The following TMEM236 variants were observed in gnomAD, a reference collection of about 807,000 sequenced individuals.
TMEM236 encodes transmembrane protein 236, also known as family with sequence similarity 23, member A.
A neutral mutation model predicts 14.7 loss-of-function variants in TMEM236; 11 were observed. That is an observed-to-expected ratio of 0.75 (90% CI 0.47 to 1.24). The LOEUF (loss-of-function observed/expected upper bound fraction) is 1.24. Among genes scored for constraint, TMEM236 ranks in the 50% most tolerant of loss-of-function variants. The pLI, the probability that TMEM236 is intolerant of heterozygous loss-of-function variation, is 0.00. For synonymous variants in TMEM236, 182 were observed against 168.6 expected (o/e 1.08, Z -0.62); for missense variants, 464 against 427.3 (o/e 1.09, Z -0.76).
intron 1 of TMEM236, among the ~76,000 whole-genome samples, chr10:17,759,641 C>T (rs1837327686): frequency 6.6e-6 from 1 of 152,004 alleles, no homozygotes; most frequent in African/African-American, 2.4e-5. Flanking sequence ...AACACATTGT[C>T]TGTATTATTT....
chr10:17,790,073 C>CA (rs1554835980), intron 3 of TMEM236, among the ~76,000 whole-genome samples: 4 of 151,552 alleles, frequency 2.6e-5, no homozygotes, highest in Non-Finnish European at 1.5e-5. Context: ...CAAAACAAAA[C>CA]AAAAAAATGA....
chr10:17,784,400 T>A (rs1837801100), intron 3 of TMEM236, among the ~76,000 whole-genome samples: 1 of 152,174 alleles, frequency 6.6e-6, no homozygotes, highest in Non-Finnish European at 1.5e-5. Context: ...TTTAAAAATA[T>A]CAGTGCCAAG....
Position 17,796,431 on chromosome 10 carries a change from C to T in TMEM236, c.983C>T (p.Thr328Ile). 6.2e-7 allele frequency: 1 copy of T among 1,613,776 alleles called. No homozygotes were observed. Among genetic ancestry groups the T allele is most frequent in the Non-Finnish European group, 8.5e-7 (1 of 1,179,826 alleles). Residue 328 changes from threonine (T) to isoleucine (I), a missense_variant, in exon 4 of 4, where the codon ACT (threonine) becomes ATT (isoleucine). Thr to Ile is a moderately conservative substitution (Grantham distance 89). Coordinates refer to ENST00000377495, the MANE Select transcript of TMEM236 (RefSeq NM_001098844.3). ...VLGLCKNILV[T>I]LSYIYFNYLT... ...GGCCTGTGTAAAAATATCCTCGTGA[C>T]TCTCTCTTACATTTACTTCAATTAC... is the stretch of plus-strand genomic sequence containing the variant.
chr10:17,795,863 T>G (rs1024277032), intron 3 of TMEM236, 58 bp from the exon 4 acceptor site: 4 of 1,525,292 alleles, frequency 2.6e-6, no homozygotes, highest in Admixed American at 3.4e-5. Flanking sequence ...TGAATAACAT[T>G]TGAGCTAAAA....
intron 3 of TMEM236, among the ~76,000 whole-genome samples, chr10:17,780,954 T>C (rs1398117678): frequency 1.3e-5 from 2 of 152,154 alleles, no homozygotes; most frequent in African/African-American, 4.8e-5. Flanking sequence ...GATGTTTACA[T>C]AGCACCCAGA....
intron 3 of TMEM236, among the ~76,000 whole-genome samples, chr10:17,790,741 C>A (rs1837912411): frequency 1.3e-5 from 2 of 152,110 alleles, no homozygotes; most frequent in Non-Finnish European, 1.5e-5. Flanking sequence ...CAGTGTTATG[C>A]CTAAATCATT....
intron 3 of TMEM236, among the ~76,000 whole-genome samples, chr10:17,784,469 G>A (rs987747209): frequency 2.0e-5 from 3 of 152,122 alleles, no homozygotes; most frequent in Non-Finnish European, 4.4e-5. Flanking sequence ...GGCATATTTG[G>A]ATTTTAAAAA....
At chr10:17,775,966 G>A (rs1837652487) in intron 2 of TMEM236, 63 bp from the exon 3 acceptor site, 34 of 1,592,914 alleles carry the variant, frequency 2.1e-5, no homozygotes, top group Non-Finnish European at 2.8e-5. Flanking sequence ...TCAGACTATT[G>A]AAAGCATTTT....
At chr10:17,773,441 G>A (rs1236053067) in intron 2 of TMEM236, among the ~76,000 whole-genome samples, 3 of 152,044 alleles carry the variant, frequency 2.0e-5, no homozygotes, top group Non-Finnish European at 2.9e-5. Context: ...AGGTTCAGGC[G>A]ATTCTCCTGC....
intron 3 of TMEM236, among the ~76,000 whole-genome samples, chr10:17,792,017 C>T (rs1441651794): frequency 6.6e-6 from 1 of 152,172 alleles, no homozygotes; most frequent in Non-Finnish European, 1.5e-5. Flanking sequence ...GCATTTTTAG[C>T]ATTAGCTTTC....
At position 17,799,937 on chromosome 10, in the gene TMEM236, G is replaced by A. The variant is rs1286623260; in HGVS notation, c.*3433G>A. 6.6e-6 allele frequency: 1 copy of A among 152,558 alleles called. No homozygotes were observed. Among genetic ancestry groups the A allele is most frequent in the Admixed American group, 6.5e-5 (1 of 15,268 alleles). 9.5% of individuals were successfully genotyped at this position (152,558 alleles called of 1,614,324 possible). On this transcript the variant is annotated 3_prime_UTR_variant, in exon 4 of 4. Transcript: ENST00000377495. ...TTTCATTTAATATTTTACTTAGAGT[G>A]TATACATGTTTATAGACTGCAAGTC... is the stretch of plus-strand genomic sequence containing the variant.
chr10:17,775,577 C>T (rs901001504), intron 2 of TMEM236, among the ~76,000 whole-genome samples: 6 of 152,196 alleles, frequency 3.9e-5, no homozygotes, highest in Non-Finnish European at 7.3e-5. Flanking sequence ...CCTGGCCTTG[C>T]CGTAGCTTTT....
In TMEM236 at chr10:17,764,351, T is replaced by C. The variant is rs1274911193; in HGVS notation, c.258-6958T>C. ...TTATTATGATGCACACAGAGATCTA[T>C]CGGCAGTACCCTAACTCAGTCTTTC... On this transcript the variant is annotated intron_variant, in intron 1 of 3. Coordinates refer to ENST00000377495, the MANE Select transcript of TMEM236 (RefSeq NM_001098844.3). 2.0e-5 allele frequency among the ~76,000 whole-genome samples: 3 copies of C among 152,176 alleles called. No individual in the cohort carries two copies. The East Asian group carries it at 5.8e-4, about 29-fold the overall frequency.
In TMEM236 at chr10:17,770,678, C is replaced by T. The variant is rs540973102; in HGVS notation, c.258-631C>T. 1.9e-3 allele frequency among the ~76,000 whole-genome samples: 294 copies of T among 152,278 alleles called. 1 individual carries two copies. The highest frequency in any genetic ancestry group is 2.5e-3 in the Non-Finnish European group (173 of 68,030). On this transcript the variant is annotated intron_variant, in intron 1 of 3. Coordinates refer to ENST00000377495, the MANE Select transcript of TMEM236 (RefSeq NM_001098844.3). The stretch of plus-strand genomic sequence containing the variant: ...GATTACAGGCGTGAGCCACCGTGCC[C>T]GGCCACATTTAAATTTTCTGTGTCA...
chr10:17,796,152 C>T lies in TMEM236; in HGVS notation c.704C>T (p.Ala235Val). 1 of 1,613,920 alleles carries T rather than the reference C, an allele frequency of 6.2e-7. No homozygotes were observed. The highest frequency in any genetic ancestry group is 1.7e-5 in the Admixed American group (1 of 60,012). The change falls in exon 4 of 4, where the codon GCA (alanine) becomes GTA (valine). Residue 235 changes from alanine (A) to valine (V), a missense_variant. By Grantham distance (64) the Ala-to-Val change is moderately conservative. Transcript: ENST00000377495. Reference protein sequence around the residue: ...LRMMSRRDVRAELFLWSFLLW... With the variant: ...LRMMSRRDVRVELFLWSFLLW... ...ATGATGTCCCGGCGAGATGTCCGGG[C>T]AGAGTTATTCTTATGGAGCTTTCTC...
rs934618293 is a variant in TMEM236, at chr10:17,788,936, G to A, written c.473-6985G>A. Reference sequence around the variant, plus strand: ...AAACTTGTACACAGTTTTGAGCACAGGCAGTAGTAGTATACTGGTCAGTGT... The same window carrying A: ...AAACTTGTACACAGTTTTGAGCACAAGCAGTAGTAGTATACTGGTCAGTGT... On this transcript the variant is annotated intron_variant, in intron 3 of 3. Transcript: ENST00000377495. Among the ~76,000 whole-genome samples, 50 of 152,332 alleles carry A rather than the reference G, an allele frequency of 3.3e-4. No individual in the cohort carries two copies. In the East Asian group the frequency reaches 9.2e-3, roughly 28 times the overall value.
At chr10:17,768,085 GGTTTTTTTT>G (rs1290149954) in intron 1 of TMEM236, among the ~76,000 whole-genome samples, 1 of 98,830 alleles carries the variant, frequency 1.0e-5, no homozygotes, top group African/African-American at 4.0e-5. Context: ...TAATTTTTGT[GGTTTTTTTT>G]TTTTTTTTTT....
Position 17,795,866 on chromosome 10 carries a change from A to G in TMEM236, c.473-55A>G, listed in dbSNP as rs1397650794. 12 of 1,526,770 alleles carry G rather than the reference A, an allele frequency of 7.9e-6. No individual in the cohort carries two copies. In the African/African-American group the frequency reaches 1.4e-4, roughly 17 times the overall value. The allele number at this position is 1,526,770 out of a possible 1,614,324, so 94.6% of individuals were successfully genotyped here. The stretch of plus-strand genomic sequence containing the variant: ...GAATTTTAAATTTGAATAACATTTG[A>G]GCTAAAATGGATACATTTTAAAAAC... On this transcript the variant is annotated intron_variant, in intron 3 of 3. Transcript: ENST00000377495.
chr10:17,785,803 G>A, intron 3 of TMEM236, among the ~76,000 whole-genome samples: 1 of 152,076 alleles, frequency 6.6e-6, no homozygotes, highest in East Asian at 1.9e-4. Flanking sequence ...GAAGTTTCAG[G>A]AAAGTATGTT....
Sources: allele counts gnomAD v4.1 joint callset (sites outside exome capture counted in the v4.1 genomes callset), GRCh38; gene constraint gnomAD v4.1.1; transcripts MANE v1.5; gene names NCBI Gene and HGNC (gene_info 2026-07-23, HGNC 2026-07-21).